Variants in LRBA observed in about 807,000 individuals in gnomAD.
LRBA encodes the protein LPS responsive beige-like anchor protein.
Under a neutral mutation model 330.0 loss-of-function variants are expected in LRBA, and 176 were observed. That is an observed-to-expected ratio of 0.53 (90% CI 0.47 to 0.60). The LOEUF (loss-of-function observed/expected upper bound fraction) is 0.60. Among genes scored for constraint, LRBA ranks in the 20% least tolerant of loss-of-function variants. The probability of loss-of-function intolerance (pLI) is 0.00; values close to 1 mark genes in which losing one functional copy is unlikely to be tolerated. For missense variants in LRBA, 3,259 were observed against 3,444.8 expected (o/e 0.95, Z 1.35); for synonymous variants, 1,230 against 1,193.0 (o/e 1.03, Z -0.64).
chr4:150,881,265 T>C (rs1189478466), intron 17 of LRBA, among the ~76,000 whole-genome samples: 1 of 152,218 alleles, frequency 6.6e-6, no homozygotes, highest in Non-Finnish European at 1.5e-5. Flanking sequence ...GAAATCAACC[T>C]AGGTTTCTAT....
At chr4:150,406,084 T>C (rs1430484980) in intron 47 of LRBA, among the ~76,000 whole-genome samples, 4 of 151,802 alleles carry the variant, frequency 2.6e-5, no homozygotes. Flanking sequence ...GTAGTCTCTA[T>C]AAATACGACT....
intron 40 of LRBA, among the ~76,000 whole-genome samples, chr4:150,532,678 A>G (rs758848465): frequency 2.6e-5 from 4 of 152,148 alleles, no homozygotes; most frequent in African/African-American, 4.8e-5. Flanking sequence ...GAAAAAGTCT[A>G]TAACTGTCAT....
chr4:150,590,558 G>C (rs1426011576), intron 39 of LRBA, among the ~76,000 whole-genome samples, 155 bp downstream of exon 39: 1 of 152,078 alleles, frequency 6.6e-6, no homozygotes, highest in Non-Finnish European at 1.5e-5. Context: ...AAATAAAGGA[G>C]AAACTGTAGA....
Position 150,373,172 on chromosome 4 carries a change from T to TGAGAGA in LRBA, c.7195-23019_7195-23014dup, listed in dbSNP as rs902421554. Among the ~76,000 whole-genome samples, 40 of 97,498 alleles carry TGAGAGA rather than the reference T, an allele frequency of 4.1e-4. 1 individual carries two copies. The highest frequency in any genetic ancestry group is 1.5e-3 in the South Asian group (4 of 2,684). 64.0% of individuals were successfully genotyped at this position (97,498 alleles called of 152,430 possible). ...GTGTGTGTGTGTGTGTGTGTGTGTGTGAGAGAGAGAGAGAGAGAGAGAGAG... is the reference window on the plus strand; with the variant it reads ...GTGTGTGTGTGTGTGTGTGTGTGTGTGAGAGAGAGAGAGAGAGAGAGAGAGAGAGAG... On this transcript the variant is annotated intron_variant, in intron 47 of 56. Transcript: ENST00000651943.
chr4:150,396,480 T>TCACACACACACA (rs10641158), intron 47 of LRBA, among the ~76,000 whole-genome samples: 4,072 of 145,790 alleles, frequency 0.028, 98 homozygotes, highest in East Asian at 0.079. Context: ...AAATCTCATC[T>TCACACACACACA]CACACACACA....
At chr4:150,322,824 G>A (rs79130299) in intron 49 of LRBA, among the ~76,000 whole-genome samples, 7,180 of 152,198 alleles carry the variant, frequency 0.047, 535 homozygotes, top group African/African-American at 0.16. Context: ...CCTCAATTAA[G>A]TCCAACTATC....
intron 51 of LRBA, 120 bp downstream of exon 51, chr4:150,315,441 A>G: frequency 3.6e-6 from 3 of 829,278 alleles, no homozygotes; most frequent in African/African-American, 1.7e-5. Flanking sequence ...TTTGCATGCA[A>G]ATGGTTTATC....
chr4:150,894,938 A>C (rs2127107433), intron 16 of LRBA, among the ~76,000 whole-genome samples: 1 of 152,330 alleles, frequency 6.6e-6, no homozygotes, highest in South Asian at 2.1e-4. Flanking sequence ...ATAATCATTA[A>C]TGATTTTAAG....
intron 41 of LRBA, among the ~76,000 whole-genome samples, chr4:150,488,804 T>C (rs904742093): frequency 2.3e-4 from 34 of 149,536 alleles, no homozygotes; most frequent in African/African-American, 6.6e-4. Context: ...AACACTGGCA[T>C]TGCCAACATG....
intron 5 of LRBA, among the ~76,000 whole-genome samples, chr4:150,920,480 C>G (rs1379510913): frequency 2.0e-5 from 3 of 152,190 alleles, no homozygotes; most frequent in South Asian, 2.1e-4. Context: ...AACCAGGAGG[C>G]AGAGGTTGCA....
intron 47 of LRBA, among the ~76,000 whole-genome samples, chr4:150,351,675 T>C (rs554884400): frequency 5.3e-5 from 8 of 152,054 alleles, no homozygotes; most frequent in Admixed American, 2.6e-4. Context: ...GGTGACAGAG[T>C]GAGACTCCGT....
intron 45 of LRBA, among the ~76,000 whole-genome samples, 174 bp downstream of exon 45, chr4:150,436,550 C>T (rs1751134174): frequency 6.6e-6 from 1 of 152,088 alleles, no homozygotes; most frequent in Non-Finnish European, 1.5e-5. Flanking sequence ...CCAGATGAAA[C>T]ATTTTTAAGG....
At position 150,435,610 on chromosome 4, in the gene LRBA, C is replaced by T. The variant is rs138315910; in HGVS notation, c.7020G>A (p.Gln2340=). Residue 2340 remains glutamine (Q), a synonymous_variant, in exon 46 of 57, where the codon CAG becomes CAA. Coordinates refer to ENST00000651943, the MANE Select transcript of LRBA (RefSeq NM_001364905.1). ...GTACCTTAATATCAGAGGTATCACG[C>T]TGACTGTTTCGCCAAGCTCTGGAAA... The part of the protein sequence containing the change: ...SSISRAWRNS[Q]RDTSDIKELI... 8 of 1,612,740 alleles carry T rather than the reference C, an allele frequency of 5.0e-6. No individual in the cohort carries two copies. The highest frequency in any genetic ancestry group is 2.2e-5 in the East Asian group (1 of 44,800).
intron 12 of LRBA, 101 bp from the exon 13 acceptor site, chr4:150,906,091 C>T: frequency 9.7e-7 from 1 of 1,033,216 alleles, no homozygotes; most frequent in Admixed American, 2.2e-5. Flanking sequence ...AAATTATGCT[C>T]AAAGTTAAAG....
chr4:150,641,137 C>T (rs2126723556), intron 37 of LRBA, among the ~76,000 whole-genome samples: 1 of 152,232 alleles, frequency 6.6e-6, no homozygotes, highest in East Asian at 1.9e-4. Flanking sequence ...AAATCTATGT[C>T]CTATTTCACA....
intron 52 of LRBA, among the ~76,000 whole-genome samples, chr4:150,308,795 G>A (rs534827776): frequency 2.2e-4 from 33 of 152,068 alleles, no homozygotes; most frequent in Non-Finnish European, 3.4e-4. Flanking sequence ...AAATATTTTT[G>A]TACAGTTGTA....
intron 2 of LRBA, among the ~76,000 whole-genome samples, chr4:151,005,073 A>G (rs888471560): frequency 2.0e-5 from 3 of 151,198 alleles, no homozygotes; most frequent in Admixed American, 2.0e-4. Context: ...GAAAGATGTT[A>G]AACTTACACA....
At chr4:150,968,719 T>C (rs1460324082) in intron 2 of LRBA, among the ~76,000 whole-genome samples, 1 of 152,236 alleles carries the variant, frequency 6.6e-6, no homozygotes, top group Non-Finnish European at 1.5e-5. Context: ...CCAGAAGATC[T>C]ACCTGAGATA....
At chr4:150,775,793 A>G (rs1461755749) in intron 34 of LRBA, among the ~76,000 whole-genome samples, 1 of 133,460 alleles carries the variant, frequency 7.5e-6, no homozygotes, top group Admixed American at 8.2e-5. Context: ...CATTAGTTCT[A>G]CAAGAAAGAA....
Sources: allele counts gnomAD v4.1 joint callset (sites outside exome capture counted in the v4.1 genomes callset), GRCh38; gene constraint gnomAD v4.1.1; transcripts MANE v1.5; gene names NCBI Gene and HGNC (gene_info 2026-07-23, HGNC 2026-07-21).